Variants in C1QTNF1 observed in about 807,000 individuals in gnomAD.
The protein encoded by C1QTNF1 is C1q and TNF related 1.
In C1QTNF1, 22 loss-of-function variants were observed where a neutral mutation model predicts 27.8. That is an observed-to-expected ratio of 0.79 (90% CI 0.56 to 1.13). The LOEUF is 1.13. Among genes scored for constraint, C1QTNF1 ranks in the 50% most tolerant of loss-of-function variants. C1QTNF1 has a pLI of 0.00. For synonymous variants in C1QTNF1, 166 were observed against 154.3 expected (o/e 1.08, Z -0.56); for missense variants, 373 against 380.2 (o/e 0.98, Z 0.16).
At chr17:79,033,270 T>C (rs913540603) in intron 1 of C1QTNF1, among the ~76,000 whole-genome samples, 11 of 152,210 alleles carry the variant, frequency 7.2e-5, no homozygotes, top group African/African-American at 2.4e-4. Context: ...ACTGGATGTT[T>C]CATTTTGTTT....
rs2145942256 is a variant in C1QTNF1 at position 79,049,430 on chromosome 17, T to A, written c.*1342T>A. On this transcript the variant is annotated 3_prime_UTR_variant, in exon 4 of 4. Transcript: ENST00000579760. The surrounding 1 kb of genome is among the most constrained non-coding windows in gnomAD (Gnocchi z 4.4). The stretch of plus-strand genomic sequence containing the variant: ...GAGCAGGGTTGCGGTGTCTCCACGG[T>A]GCTCTCGCCCTGCCCATGGCCACCC... 6.6e-6 allele frequency: 1 copy of A among 152,352 alleles called. No individual in the cohort carries two copies. Among genetic ancestry groups the A allele is most frequent in the Non-Finnish European group, 1.5e-5 (1 of 68,144 alleles). 9.4% of individuals were successfully genotyped at this position (152,352 alleles called of 1,614,324 possible). A position where few individuals can be genotyped will look rare whatever the true frequency, so the allele number is the denominator to read the frequency against.
At chr17:79,040,157 C>G (rs1266791736) in intron 1 of C1QTNF1, among the ~76,000 whole-genome samples, 1 of 152,182 alleles carries the variant, frequency 6.6e-6, no homozygotes, top group Non-Finnish European at 1.5e-5. Flanking sequence ...GACAAACTCT[C>G]TGCAGTAGGA....
Position 79,044,105 on chromosome 17 carries a change from C to G in C1QTNF1, c.137C>G (p.Pro46Arg), listed in dbSNP as rs145629828. ...EWEGTEELPSPPDHAERAEEQ... is the reference protein window; with the variant it reads ...EWEGTEELPSRPDHAERAEEQ... ...GAGGGGACTGAGGAGCTGCCGTCGC[C>G]TCCGGACCATGCCGAGAGGTGAGGG... Residue 46 changes from proline (P) to arginine (R), a missense_variant, in exon 2 of 4, where the codon CCT (proline) becomes CGT (arginine). Coordinates refer to ENST00000579760, the MANE Select transcript of C1QTNF1 (RefSeq NM_030968.5). 6.2e-7 allele frequency: 1 copy of G among 1,610,974 alleles called. No homozygotes were observed. The highest frequency in any genetic ancestry group is 1.1e-5 in the South Asian group (1 of 90,926).
intron 1 of C1QTNF1, 73 bp from the exon 2 acceptor site, chr17:79,043,882 C>T (rs774060044): frequency 1.3e-6 from 2 of 1,560,378 alleles, no homozygotes; most frequent in African/African-American, 2.7e-5. Context: ...TTTCTCTCCC[C>T]AATTTTCAGG....
In C1QTNF1 at chr17:79,049,590, T is replaced by C. The variant is rs1198486582; in HGVS notation, c.*1502T>C. On this transcript the variant is annotated 3_prime_UTR_variant, in exon 4 of 4. Coordinates refer to ENST00000579760, the MANE Select transcript of C1QTNF1 (RefSeq NM_030968.5). The surrounding 1 kb of genome is among the most constrained non-coding windows in gnomAD (Gnocchi z 4.4). ...CCTTCCCCCCATCCCCCACCTGGTTTTGACTAATCCTGCTTCCCTCTCTGG... is the reference window on the plus strand; with the variant it reads ...CCTTCCCCCCATCCCCCACCTGGTTCTGACTAATCCTGCTTCCCTCTCTGG... The C allele has an allele frequency of 6.6e-6, 1 of 152,274 alleles. No homozygotes were observed. Among genetic ancestry groups the C allele is most frequent in the African/African-American group, 2.4e-5 (1 of 41,408 alleles). 9.4% of individuals were successfully genotyped at this position (152,274 alleles called of 1,614,324 possible). A position where few individuals can be genotyped will look rare whatever the true frequency, so the allele number is the denominator to read the frequency against.
intron 1 of C1QTNF1, among the ~76,000 whole-genome samples, chr17:79,039,332 G>A (rs185085876): frequency 4.6e-5 from 7 of 152,290 alleles, no homozygotes; most frequent in African/African-American, 1.7e-4. Flanking sequence ...CCACCACAGG[G>A]GATTATCTAG....
chr17:79,037,947 C>CAT (rs2072303023), intron 1 of C1QTNF1, among the ~76,000 whole-genome samples: 1 of 151,936 alleles, frequency 6.6e-6, no homozygotes, highest in Non-Finnish European at 1.5e-5. Flanking sequence ...GCTGGGATGA[C>CAT]AGGTGTGAGC....
chr17:79,043,465 A>G, intron 1 of C1QTNF1: 2 of 445,912 alleles, frequency 4.5e-6, no homozygotes, highest in Non-Finnish European at 8.9e-6. Flanking sequence ...GTGTGTTAAG[A>G]GTGTGCATAT....
intron 1 of C1QTNF1, among the ~76,000 whole-genome samples, chr17:79,037,986 TTTTC>T (rs1210294977): frequency 6.6e-6 from 1 of 150,792 alleles, no homozygotes; most frequent in Non-Finnish European, 1.5e-5. Context: ...GATACAATTT[TTTTC>T]TTTTTCTTTT....
chr17:79,038,343 G>A (rs765449822), intron 1 of C1QTNF1, among the ~76,000 whole-genome samples: 9 of 152,120 alleles, frequency 5.9e-5, no homozygotes, highest in East Asian at 1.9e-4. Flanking sequence ...CCTCCTCTAC[G>A]TCCTGCGTGT....
At chr17:79,027,025 C>T (rs191184730) in intron 1 of C1QTNF1, among the ~76,000 whole-genome samples, 15 of 149,012 alleles carry the variant, frequency 1.0e-4, no homozygotes, top group African/African-American at 1.9e-4. Flanking sequence ...TACAGTTGTG[C>T]GCAGGGACTG....
intron 1 of C1QTNF1, among the ~76,000 whole-genome samples, chr17:79,041,516 G>A (rs1199268803): frequency 2.0e-5 from 3 of 152,150 alleles, no homozygotes; most frequent in East Asian, 1.9e-4. Context: ...CGTGGCTCAC[G>A]CCTGGAATCC....
chr17:79,042,331 G>GC (rs1241850807), intron 1 of C1QTNF1, among the ~76,000 whole-genome samples: 5 of 152,240 alleles, frequency 3.3e-5, no homozygotes, highest in African/African-American at 1.2e-4. Flanking sequence ...CCCAAGTGCC[G>GC]CCCCTCGCGG....
At chr17:79,044,597 G>A (rs772152023) in intron 2 of C1QTNF1, among the ~76,000 whole-genome samples, 2 of 152,314 alleles carry the variant, frequency 1.3e-5, no homozygotes, top group East Asian at 3.9e-4. Context: ...AGAGGACAGC[G>A]GAGACTGGGT....
At chr17:79,029,791 A>T (rs1481806966) in intron 1 of C1QTNF1, among the ~76,000 whole-genome samples, 1 of 152,172 alleles carries the variant, frequency 6.6e-6, no homozygotes, top group Non-Finnish European at 1.5e-5. Flanking sequence ...GCCTGGATGA[A>T]GTGCCACCCT....
At chr17:79,047,238 C>CTTTTCTT (rs1555672721) in intron 3 of C1QTNF1, 5 of 277,610 alleles carry the variant, frequency 1.8e-5, no homozygotes, top group African/African-American at 1.2e-4. Flanking sequence ...TTTTTCTTTT[C>CTTTTCTT]TTTTTTTTTT....
At position 79,032,171 on chromosome 17, in the gene C1QTNF1, C is replaced by T. The variant is rs138126103; in HGVS notation, c.-15+7677C>T. On this transcript the variant is annotated intron_variant, in intron 1 of 3. Coordinates refer to ENST00000579760, the MANE Select transcript of C1QTNF1 (RefSeq NM_030968.5). ...ACCAAGGACTGTAGACCGGTTCGTC[C>T]GGATGCTGGGGGAGGGGCACCTACA... Among the ~76,000 whole-genome samples the T allele has an allele frequency of 2.6e-4, 39 of 152,264 alleles. No individual in the cohort carries two copies. In the East Asian group the frequency reaches 6.0e-3, roughly 23 times the overall value.
At chr17:79,043,263 G>A (rs549100945) in intron 1 of C1QTNF1, 1 of 448,472 alleles carries the variant, frequency 2.2e-6, no homozygotes, top group East Asian at 7.0e-5. Flanking sequence ...ATGCATGTGT[G>A]TGCATGTGTG....
At chr17:79,041,303 A>C (rs58349943) in intron 1 of C1QTNF1, among the ~76,000 whole-genome samples, 1 of 152,000 alleles carries the variant, frequency 6.6e-6, no homozygotes, top group Non-Finnish European at 1.5e-5. Flanking sequence ...GGGCCATGCA[A>C]GGTGGTGAAG....
Sources: gnomAD v4.1 joint callset for allele counts (sites outside exome capture counted in the v4.1 genomes callset) on GRCh38, gnomAD v4.1.1 for gene constraint, Gnocchi (gnomAD v3.1) non-coding constraint, MANE v1.5 for transcripts, NCBI Gene and HGNC (gene_info 2026-07-23, HGNC 2026-07-21) for gene names.